The following ALK variants were observed in gnomAD, a reference collection of about 807,000 sequenced individuals.
The protein encoded by ALK is ALK tyrosine kinase receptor.
A neutral mutation model predicts 163.1 loss-of-function variants in ALK; 74 were observed. The ratio of observed to expected loss-of-function variants is 0.45; its 90% CI spans 0.38 to 0.55. ALK has a LOEUF of 0.55. Among genes scored for constraint, ALK ranks in the 20% least tolerant of loss-of-function variants. The pLI is 0.00. For missense variants in ALK, 2,063 were observed against 2,105.3 expected (o/e 0.98, Z 0.39); for synonymous variants, 960 against 843.2 (o/e 1.14, Z -2.40).
At chr2:29,472,194 T>C (rs944161691) in intron 4 of ALK, among the ~76,000 whole-genome samples, 4 of 152,238 alleles carry the variant, frequency 2.6e-5, no homozygotes, top group Non-Finnish European at 5.9e-5. Flanking sequence ...ATGCCACCAG[T>C]CTACTGTTGG....
chr2:29,893,704 G>A (rs556927123), intron 1 of ALK, among the ~76,000 whole-genome samples: 56 of 152,202 alleles, frequency 3.7e-4, no homozygotes, highest in African/African-American at 1.2e-3. Flanking sequence ...ACTCAGTTAC[G>A]TAGATTACTG....
At chr2:29,697,183 G>A (rs1220991764) in intron 2 of ALK, among the ~76,000 whole-genome samples, 3 of 152,228 alleles carry the variant, frequency 2.0e-5, no homozygotes, top group Non-Finnish European at 4.4e-5. Flanking sequence ...GATTGATAAG[G>A]GAAAGGCCAT....
At chr2:29,343,210 T>A (rs989175611) in intron 5 of ALK, among the ~76,000 whole-genome samples, 13 of 110,400 alleles carry the variant, frequency 1.2e-4, no homozygotes, top group Admixed American at 2.5e-4. Flanking sequence ...AATTTAAAAA[T>A]TTTTTTTTTT....
intron 8 of ALK, among the ~76,000 whole-genome samples, chr2:29,307,016 T>G (rs919738342): frequency 6.6e-6 from 1 of 152,230 alleles, no homozygotes; most frequent in African/African-American, 2.4e-5. Flanking sequence ...TTAATTAAAG[T>G]CCTGTATGTA....
intron 28 of ALK, among the ~76,000 whole-genome samples, chr2:29,195,245 C>A (rs1184554911): frequency 6.6e-6 from 1 of 152,104 alleles, no homozygotes; most frequent in Non-Finnish European, 1.5e-5. Flanking sequence ...TGGGTGTATT[C>A]CATTCAGATT....
chr2:29,374,322 A>G (rs1482388575), intron 5 of ALK, among the ~76,000 whole-genome samples: 3 of 152,206 alleles, frequency 2.0e-5, no homozygotes, highest in Admixed American at 6.5e-5. Flanking sequence ...TCCAAGCTCA[A>G]AAAGGTGGTG....
At chr2:29,705,240 A>AATATATATATATATATATATAT (rs1172702963) in intron 2 of ALK, among the ~76,000 whole-genome samples, 1 of 47,122 alleles carries the variant, frequency 2.1e-5, no homozygotes, top group Admixed American at 3.5e-4. Context: ...AAAGAAAAGA[A>AATATATATATATATATATATAT]ATATATATAT....
intron 1 of ALK, among the ~76,000 whole-genome samples, chr2:29,799,869 C>T (rs1664420362): frequency 6.6e-6 from 1 of 152,080 alleles, no homozygotes; most frequent in Non-Finnish European, 1.5e-5. Context: ...CAAAACTAGA[C>T]CAAAAAGTAC....
intron 11 of ALK, among the ~76,000 whole-genome samples, chr2:29,257,419 T>C (rs1664977214): frequency 6.6e-6 from 1 of 151,938 alleles, no homozygotes; most frequent in Admixed American, 6.6e-5. Flanking sequence ...TTTAAGCACA[T>C]TGTAGCACCC....
chr2:29,235,224 G>A (rs1558631342), intron 13 of ALK, among the ~76,000 whole-genome samples: 1 of 152,206 alleles, frequency 6.6e-6, no homozygotes, highest in South Asian at 2.1e-4. Context: ...TGACCTTGGA[G>A]GAAAGTGACT....
In ALK at chr2:29,775,263, G is replaced by A. The variant is rs553861673; in HGVS notation, c.668-57566C>T. Among the ~76,000 whole-genome samples, 3 of 152,274 alleles carry A rather than the reference G, an allele frequency of 2.0e-5. No individual in the cohort carries two copies. The South Asian group carries it at 6.2e-4, about 32-fold the overall frequency. On this transcript the variant is annotated intron_variant, in intron 1 of 28. Coordinates refer to ENST00000389048, the MANE Select transcript of ALK (RefSeq NM_004304.5). Reference sequence around the variant, plus strand: ...CTTTAAATTCCCTTCCAACTCTCAGGTCTTGGTTAACTCTGAGCAAACCAT... The same window carrying A: ...CTTTAAATTCCCTTCCAACTCTCAGATCTTGGTTAACTCTGAGCAAACCAT...
intron 8 of ALK, among the ~76,000 whole-genome samples, chr2:29,316,509 T>TC (rs1174718785): frequency 6.4e-4 from 97 of 152,228 alleles, no homozygotes; most frequent in African/African-American, 2.3e-3. Flanking sequence ...GATGAAGTAT[T>TC]AGAATAATAT....
intron 3 of ALK, among the ~76,000 whole-genome samples, chr2:29,573,841 T>C (rs771695678): frequency 1.3e-5 from 2 of 152,164 alleles, no homozygotes; most frequent in Non-Finnish European, 2.9e-5. Context: ...GACTGATTCA[T>C]GCAATAAGGG....
In ALK at chr2:29,716,428, A is replaced by C. The variant is rs147470023; in HGVS notation, c.787+1150T>G. Among the ~76,000 whole-genome samples, 543 of 152,346 alleles carry C rather than the reference A, an allele frequency of 3.6e-3. 2 individuals carry two copies. The highest frequency in any genetic ancestry group is 0.013 in the African/African-American group (520 of 41,580). On this transcript the variant is annotated intron_variant, in intron 2 of 28. Transcript: ENST00000389048. ...CACCCTAGAGGAGTTCAAGAGAATT[A>C]AAATGTTCATTTGAAATGCTTCTTC... is the stretch of plus-strand genomic sequence containing the variant.
intron 1 of ALK, among the ~76,000 whole-genome samples, chr2:29,749,468 G>T (rs575739520): frequency 9.9e-5 from 15 of 152,262 alleles, no homozygotes; most frequent in Middle Eastern, 3.4e-3. Flanking sequence ...CCTTAATCCT[G>T]AATAGATAAT....
At chr2:29,249,156 C>A (rs909031355) in intron 12 of ALK, among the ~76,000 whole-genome samples, 2 of 152,194 alleles carry the variant, frequency 1.3e-5, no homozygotes, top group Non-Finnish European at 2.9e-5. Flanking sequence ...CTCGGGGGAA[C>A]ACAGCCCAAG....
At position 29,225,538 on chromosome 2, in the gene ALK, G is replaced by A. The variant is rs752256731; in HGVS notation, c.3095C>T (p.Pro1032Leu). ...IVSPTPEPHL[P>L]LSLILSVVTS... ...CACCACAGAGAGGATCAGCGAGAGT[G>A]GCAGGTGTGGCTCCGGGGTGGGTGA... Residue 1032 changes from proline to leucine, a missense_variant, in exon 19 of 29, where the codon CCA (proline) becomes CTA (leucine). Physicochemically the swap from Pro to Leu is moderately conservative, Grantham distance 98. This residue lies in a region of ALK where 575 missense variants were observed against 626.6 expected (regional missense o/e 0.92). Coordinates refer to ENST00000389048, the MANE Select transcript of ALK (RefSeq NM_004304.5). 5 of 1,612,086 alleles carry A rather than the reference G, an allele frequency of 3.1e-6. No homozygotes were observed. The highest frequency in any genetic ancestry group is 2.2e-5 in the South Asian group (2 of 90,162).
intron 4 of ALK, among the ~76,000 whole-genome samples, chr2:29,401,009 A>G (rs1013606416): frequency 6.6e-6 from 1 of 152,030 alleles, no homozygotes; most frequent in Non-Finnish European, 1.5e-5. Context: ...TTGGCCCACA[A>G]TTAAACCTTC....
At chr2:29,692,615 C>T (rs183126631) in intron 3 of ALK, among the ~76,000 whole-genome samples, 7 of 152,296 alleles carry the variant, frequency 4.6e-5, no homozygotes, top group Admixed American at 1.3e-4. Context: ...GAATCTAATG[C>T]GGCAGCTGAT....
Sources: allele counts gnomAD v4.1 joint callset (sites outside exome capture counted in the v4.1 genomes callset), GRCh38; gene constraint gnomAD v4.1.1; regional missense constraint gnomAD v4.1.1; transcripts MANE v1.5; gene names NCBI Gene and HGNC (gene_info 2026-07-23, HGNC 2026-07-21).